COL6A5: variants seen among roughly 807,000 people sequenced by gnomAD.
The protein encoded by COL6A5 is collagen type VI alpha 5 chain.
A neutral mutation model predicts 65.6 loss-of-function variants in COL6A5; 48 were observed. The ratio of observed to expected loss-of-function variants is 0.73; its 90% confidence interval spans 0.58 to 0.93. The LOEUF (loss-of-function observed/expected upper bound fraction) is 0.93. COL6A5 is among the 40% of genes least tolerant of loss of function. The pLI, the probability that COL6A5 is intolerant of heterozygous loss-of-function variation, is 0.00. For missense variants in COL6A5, 914 were observed against 928.3 expected (o/e 0.98, Z 0.20); for synonymous variants, 291 against 322.8 (o/e 0.90, Z 1.05).
At chr3:130,409,345 G>A (rs1937100890) in exon 18 of COL6A5, 3 of 1,545,066 alleles carry the variant, frequency 1.9e-6, no homozygotes, top group African/African-American at 1.4e-5. Flanking sequence ...GGTTCCAGAG[G>A]TGCCCCTGGG....
intron 1 of COL6A5, among the ~76,000 whole-genome samples, chr3:130,360,590 C>T (rs984025817): frequency 1.3e-5 from 2 of 152,076 alleles, no homozygotes; most frequent in Non-Finnish European, 2.9e-5. Context: ...CATGCAGCCA[C>T]GAAGGTGAAG....
intron 1 of COL6A5, among the ~76,000 whole-genome samples, chr3:130,433,493 C>T (rs182031780): frequency 6.6e-6 from 1 of 152,298 alleles, no homozygotes; most frequent in East Asian, 1.9e-4. Flanking sequence ...AATAACCCCA[C>T]ACAGTCATTC....
intron 3 of COL6A5, among the ~76,000 whole-genome samples, chr3:130,443,058 G>A (rs1709222943): frequency 6.6e-6 from 1 of 152,196 alleles, no homozygotes; most frequent in Non-Finnish European, 1.5e-5. Flanking sequence ...ATTAGTGGGT[G>A]CAGAAGCACA....
At chr3:130,469,996 A>T (rs148875934) in intron 6 of COL6A5, among the ~76,000 whole-genome samples, 3 of 152,066 alleles carry the variant, frequency 2.0e-5, no homozygotes, top group African/African-American at 7.2e-5. Flanking sequence ...TGTAATAAAT[A>T]ATATCACACT....
intron 1 of COL6A5, among the ~76,000 whole-genome samples, chr3:130,438,260 A>G (rs13322821): frequency 0.078 from 11,809 of 152,140 alleles, 998 homozygotes; most frequent in East Asian, 0.31. Context: ...CTCCCAAAGT[A>G]CTAGGATTAC....
At chr3:130,384,013 A>G (rs1936095873) in intron 4 of COL6A5, among the ~76,000 whole-genome samples, 1 of 152,114 alleles carries the variant, frequency 6.6e-6, no homozygotes, top group Non-Finnish European at 1.5e-5. Flanking sequence ...AAAGTAACAT[A>G]AAGAAAATAA....
At chr3:130,371,336 C>T (rs1935548346) in intron 1 of COL6A5, among the ~76,000 whole-genome samples, 1 of 150,808 alleles carries the variant, frequency 6.6e-6, no homozygotes, top group African/African-American at 2.4e-5. Context: ...TTCTAAAACA[C>T]ATATAGAAAT....
intron 19 of COL6A5, 65 bp downstream of exon 19, chr3:130,410,139 G>C: frequency 8.5e-7 from 1 of 1,181,146 alleles, no homozygotes. Flanking sequence ...AATTTAGTAA[G>C]ATATGTAACC....
intron 4 of COL6A5, among the ~76,000 whole-genome samples, chr3:130,451,398 A>G (rs1260005197): frequency 1.3e-5 from 2 of 152,110 alleles, no homozygotes; most frequent in African/African-American, 4.8e-5. Context: ...AAGGAGCAGA[A>G]GTATACTGGT....
intron 4 of COL6A5, among the ~76,000 whole-genome samples, chr3:130,452,283 G>A (rs1241238899): frequency 6.6e-6 from 1 of 152,080 alleles, no homozygotes; most frequent in Non-Finnish European, 1.5e-5. Context: ...TAGGAAAAAA[G>A]AAAGACCACA....
chr3:130,388,724 T>G lies in COL6A5; in HGVS notation c.2006T>G (p.Val669Gly), dbSNP rs144238271. 9,390 of 1,551,298 alleles carry G rather than the reference T, an allele frequency of 6.1e-3. 36 individuals are homozygous for G. The highest frequency in any genetic ancestry group is 6.9e-3 in the Non-Finnish European group (7,858 of 1,146,710). ...GGTGCAGACAAAACCCAGATTGGTG[T>G]TGTTCAGTTCAGTGATAAAACTAAG... Residue 669 changes from valine (V) to glycine (G), a missense_variant and NMD_transcript_variant, in exon 6 of 42, where the codon GTT becomes GGT. By Grantham distance (109) the Val-to-Gly change is moderately radical (BLOSUM62 -3). Coordinates refer to the COL6A5 transcript ENST00000312481.
exon 9 of COL6A5, chr3:130,397,791 G>A (rs577577621): frequency 1.0e-5 from 16 of 1,551,550 alleles, no homozygotes; most frequent in Non-Finnish European, 1.2e-5. Flanking sequence ...TCCCTGCCAA[G>A]TTCCAAATCT....
At chr3:130,454,678 A>G (rs1434826039) in intron 4 of COL6A5, among the ~76,000 whole-genome samples, 2 of 152,198 alleles carry the variant, frequency 1.3e-5, no homozygotes, top group East Asian at 1.9e-4. Context: ...TTATAAATGT[A>G]GACACTATTT....
intron 6 of COL6A5, 56 bp from the exon 7 acceptor site, chr3:130,391,123 C>T: frequency 4.7e-6 from 6 of 1,264,630 alleles, no homozygotes; most frequent in Non-Finnish European, 6.7e-6. Context: ...CTTCTCAGCA[C>T]CCTGCGTAGA....
intron 6 of COL6A5, among the ~76,000 whole-genome samples, chr3:130,389,482 A>G (rs896211455): frequency 1.3e-5 from 2 of 151,766 alleles, no homozygotes; most frequent in Admixed American, 6.6e-5. Context: ...TTGGCTATCT[A>G]TGACCATTGT....
intron 4 of COL6A5, among the ~76,000 whole-genome samples, chr3:130,444,681 C>T (rs1709266467): frequency 6.6e-6 from 1 of 152,106 alleles, no homozygotes; most frequent in Non-Finnish European, 1.5e-5. Flanking sequence ...AACAGAGAAA[C>T]ATAATTCCAA....
rs1577412808 is a variant in COL6A5, at chr3:130,347,779, CTTTTCTTGGT to C, written c.-29+1799_-29+1808del. On this transcript the variant is annotated intron_variant and NMD_transcript_variant, in intron 1 of 41. Transcript: ENST00000312481. ...GGCACAAATTCACTTGGAATGTGTACTTTTCTTGGTATTGCAGTTTGCTTTGATGATGCCC... is the reference window on the plus strand; with the variant it reads ...GGCACAAATTCACTTGGAATGTGTACATTGCAGTTTGCTTTGATGATGCCC... Among the ~76,000 whole-genome samples, 4 of 152,284 alleles carry C rather than the reference CTTTTCTTGGT, an allele frequency of 2.6e-5. No individual in the cohort carries two copies. The East Asian group carries it at 7.7e-4, about 29-fold the overall frequency.
chr3:130,451,348 A>T (rs940877156), intron 4 of COL6A5, among the ~76,000 whole-genome samples: 1 of 152,056 alleles, frequency 6.6e-6, no homozygotes, highest in Non-Finnish European at 1.5e-5. Context: ...AGAGGGTTGG[A>T]CCGGGATGAG....
intron 29 of COL6A5, among the ~76,000 whole-genome samples, chr3:130,424,973 A>T (rs769378050): frequency 2.6e-5 from 4 of 152,090 alleles, no homozygotes; most frequent in Non-Finnish European, 2.9e-5. Context: ...AACTTGTTCA[A>T]AGTTATTTAA....
Sources: gnomAD v4.1 joint callset for allele counts (sites outside exome capture counted in the v4.1 genomes callset) on GRCh38, gnomAD v4.1.1 for gene constraint, MANE v1.5 for transcripts, NCBI Gene and HGNC (gene_info 2026-07-23, HGNC 2026-07-21) for gene names.